KMT2A: variants seen among roughly 807,000 people sequenced by gnomAD.
KMT2A encodes the protein lysine methyltransferase 2A, also known as histone-lysine N-methyltransferase 2A.
A neutral mutation model predicts 345.3 loss-of-function variants in KMT2A; 16 were observed. The observed-to-expected ratio is 0.05, with a 90% confidence interval of 0.03 to 0.07. KMT2A has a LOEUF of 0.07. Ranked by LOEUF, KMT2A falls within the 10% of genes least tolerant of loss-of-function variation. The pLI is 1.00. For missense variants in KMT2A, 3,272 were observed against 4,841.6 expected (o/e 0.68, Z 9.62); for synonymous variants, 1,599 against 1,778.6 (o/e 0.90, Z 2.54).
chr11:118,509,308 AGCTCC>A, intron 29 of KMT2A, 108 bp downstream of exon 29: 1 of 928,852 alleles, frequency 1.1e-6, no homozygotes, highest in Non-Finnish European at 1.6e-6. Flanking sequence ...AAAAAATCTA[AGCTCC>A]AAAGAAGTTA....
At chr11:118,489,159 G>C (rs1181539030) in intron 11 of KMT2A, among the ~76,000 whole-genome samples, 1 of 139,332 alleles carries the variant, frequency 7.2e-6, no homozygotes, top group East Asian at 2.1e-4. Flanking sequence ...GGAGGCAGAG[G>C]TTGCAGTGAG....
chr11:118,497,278 C>T lies in KMT2A; in HGVS notation c.5665-658C>T, dbSNP rs1238611407. On this transcript the variant is annotated intron_variant, in intron 20 of 35. Transcript: ENST00000534358. This position sits in a 1 kb window ranked among gnomAD's most constrained non-coding sequence, Gnocchi z 4.8. ...CTCATATCCCAAAGTGGTGGGATTA[C>T]AGGCGTGAGCCACCGTGCCCGGCCA... 6.6e-6 allele frequency among the ~76,000 whole-genome samples: 1 copy of T among 152,178 alleles called. No homozygotes were observed. Among genetic ancestry groups the T allele is most frequent in the Non-Finnish European group, 1.5e-5 (1 of 68,032 alleles).
intron 29 of KMT2A, 117 bp downstream of exon 29, chr11:118,509,317 G>T: frequency 1.2e-6 from 1 of 815,398 alleles, no homozygotes; most frequent in Non-Finnish European, 1.9e-6. Flanking sequence ...AAGCTCCAAA[G>T]AAGTTAAGTG....
At chr11:118,439,714 T>G (rs1277155281) in intron 1 of KMT2A, among the ~76,000 whole-genome samples, 1 of 152,194 alleles carries the variant, frequency 6.6e-6, no homozygotes, top group Non-Finnish European at 1.5e-5. Context: ...CTTTAAAACT[T>G]TTTCCTGAAC....
At position 118,524,386 on chromosome 11, in the gene KMT2A, C is replaced by G. The variant is rs1227103364; in HGVS notation, c.*2214C>G. 1 of 192,720 alleles carries G rather than the reference C, an allele frequency of 5.2e-6. No homozygotes were observed. The highest frequency in any genetic ancestry group is 1.1e-5 in the Non-Finnish European group (1 of 91,912). The allele number at this position is 192,720 out of a possible 1,614,324, so 11.9% of individuals were successfully genotyped here. A position where few individuals can be genotyped will look rare whatever the true frequency, so the allele number is the denominator to read the frequency against. On this transcript the variant is annotated 3_prime_UTR_variant, in exon 36 of 36. Transcript: ENST00000534358. The stretch of plus-strand genomic sequence containing the variant: ...ACTCTCTGCCCCAGGACTCATGGCT[C>G]TGCTGTGCCTTCCATCCTGGGCTCC...
At chr11:118,446,154 G>A (rs1329924674) in intron 1 of KMT2A, among the ~76,000 whole-genome samples, 1 of 152,082 alleles carries the variant, frequency 6.6e-6, no homozygotes, top group Non-Finnish European at 1.5e-5. Context: ...TTTGAGACCA[G>A]CCTGGCCAAC....
intron 1 of KMT2A, among the ~76,000 whole-genome samples, chr11:118,451,207 CTTTT>C (rs1167567348): frequency 1.7e-5 from 2 of 120,996 alleles, no homozygotes; most frequent in East Asian, 2.4e-4. Flanking sequence ...CTATCTAATT[CTTTT>C]TTTTTTTTTT....
At chr11:118,512,235 C>A (rs571208488) in intron 31 of KMT2A, 149 of 579,058 alleles carry the variant, frequency 2.6e-4, no homozygotes, top group Non-Finnish European at 4.4e-4. Context: ...ACCACCACTA[C>A]TCTATAATTC....
intron 5 of KMT2A, among the ~76,000 whole-genome samples, 197 bp from the exon 6 acceptor site, chr11:118,479,977 C>A (rs1397482256): frequency 2.0e-5 from 3 of 151,954 alleles, no homozygotes; most frequent in Non-Finnish European, 4.4e-5. Flanking sequence ...CCTTTTAGAT[C>A]CTAAAGGTAG....
At chr11:118,455,262 G>A (rs527586731) in intron 1 of KMT2A, among the ~76,000 whole-genome samples, 5 of 152,258 alleles carry the variant, frequency 3.3e-5, no homozygotes, top group South Asian at 4.2e-4. Context: ...TCATGGGGCA[G>A]GAATTTTGTT....
In KMT2A at chr11:118,502,930, G is replaced by A. The variant is rs782334675; in HGVS notation, c.7038G>A (p.Leu2346=). ...TTCATAACACAACATCTAGAGAACTGAATGTTAGTAAAATCGGCTCCTTTG... is the reference window on the plus strand; with the variant it reads ...TTCATAACACAACATCTAGAGAACTAAATGTTAGTAAAATCGGCTCCTTTG... ...PQVHNTTSRE[L]NVSKIGSFAE... is the part of the protein sequence containing the mutation. Residue 2346 remains leucine (L), a synonymous_variant, in exon 27 of 36, where the codon CTG becomes CTA. Coordinates refer to ENST00000534358, the MANE Select transcript of KMT2A (RefSeq NM_001197104.2). The surrounding 1 kb of genome is among the most constrained non-coding windows in gnomAD (Gnocchi z 4.9). 7 of 1,614,024 alleles carry A rather than the reference G, an allele frequency of 4.3e-6. No individual in the cohort carries two copies. The East Asian group carries it at 6.7e-5, about 15-fold the overall frequency.
Position 118,510,596 on chromosome 11 carries a change from A to G in KMT2A, c.11071+478A>G, listed in dbSNP as rs1193098852. Among the ~76,000 whole-genome samples the G allele has an allele frequency of 2.6e-5, 4 of 151,924 alleles. No homozygotes were observed. The highest frequency in any genetic ancestry group is 4.4e-5 in the Non-Finnish European group (3 of 67,974). On this transcript the variant is annotated intron_variant, in intron 30 of 35. Coordinates refer to ENST00000534358, the MANE Select transcript of KMT2A (RefSeq NM_001197104.2). The surrounding 1 kb of genome is among the most constrained non-coding windows in gnomAD (Gnocchi z 4.1). ...CCCTCTCCCTCCTTTTGAATCTTAC[A>G]TGTTCTTCTCTCATAGCTTACATTT...
At position 118,436,793 on chromosome 11, in the gene KMT2A, C is replaced by G; in HGVS notation, c.281C>G (p.Ser94Trp). Residue 94 changes from serine to tryptophan, a missense_variant, in exon 1 of 36, where the codon TCG (serine) becomes TGG (tryptophan). By Grantham distance (177) the Ser-to-Trp change is radical. Around this residue, in one of 27 missense-constraint regions of KMT2A, gnomAD observed 412 missense variants for 511.0 expected, o/e 0.81. Transcript: ENST00000534358. The surrounding 1 kb of genome is among the most constrained non-coding windows in gnomAD (Gnocchi z 6.9). The stretch of plus-strand genomic sequence containing the variant: ...TCGTCGTCCGCCTCGTCTTCGTCTT[C>G]GTCATCGTCCTCAGCCTCTTCAGGG... Reference protein sequence around the residue: ...ASSSSASSSSSSSSSASSGPA... With the variant: ...ASSSSASSSSWSSSSASSGPA... 1.2e-6 allele frequency: 2 copies of G among 1,606,918 alleles called. No homozygotes were observed. The highest frequency in any genetic ancestry group is 1.7e-6 in the Non-Finnish European group (2 of 1,177,002).
Position 118,471,993 on chromosome 11 carries a change from C to A in KMT2A, c.834C>A (p.Leu278=). ...TTAAAAAATTAAGAGCAGGTAAACT[C>A]TCTCCTCTCAAGTCTAAGTTTAAGA... ...TKIKKLRAGK[L]SPLKSKFKTG... The change falls in exon 3 of 36, where the codon CTC becomes CTA. Residue 278 remains leucine (L), a synonymous_variant. Transcript: ENST00000534358. 1 of 1,614,046 alleles carries A rather than the reference C, an allele frequency of 6.2e-7. No homozygotes were observed. The highest frequency in any genetic ancestry group is 8.5e-7 in the Non-Finnish European group (1 of 1,179,988).
In KMT2A at chr11:118,495,325, A is replaced by G. The variant is rs1464175106; in HGVS notation, c.5364-375A>G. ...AGGCGGGCACCACCATGCCCAGCTAATTTTTGTATTTTAATAGAGACTGGG... is the reference window on the plus strand; with the variant it reads ...AGGCGGGCACCACCATGCCCAGCTAGTTTTTGTATTTTAATAGAGACTGGG... On this transcript the variant is annotated intron_variant, in intron 18 of 35. Coordinates refer to ENST00000534358, the MANE Select transcript of KMT2A (RefSeq NM_001197104.2). This position sits in a 1 kb window ranked among gnomAD's most constrained non-coding sequence, Gnocchi z 4.1. Among the ~76,000 whole-genome samples, 1 of 151,720 alleles carries G rather than the reference A, an allele frequency of 6.6e-6. No individual in the cohort carries two copies. The highest frequency in any genetic ancestry group is 1.5e-5 in the Non-Finnish European group (1 of 67,930).
Position 118,472,915 on chromosome 11 carries a change from A to G in KMT2A, c.1756A>G (p.Met586Val), listed in dbSNP as rs1949969324. Residue 586 changes from methionine (M) to valine (V), a missense_variant, in exon 3 of 36, where the codon ATG (methionine) becomes GTG (valine). This residue lies in a region of KMT2A where 180 missense variants were observed against 190.7 expected (regional missense o/e 0.94). Coordinates refer to ENST00000534358, the MANE Select transcript of KMT2A (RefSeq NM_001197104.2). Reference sequence around the variant, plus strand: ...TATCTCTGACCACACACCTTGGCTTATGCCTCCAACAATCCCCTTAGCATC... The same window carrying G: ...TATCTCTGACCACACACCTTGGCTTGTGCCTCCAACAATCCCCTTAGCATC... ...SSISDHTPWL[M>V]PPTIPLASPF... 1 of 1,613,984 alleles carries G rather than the reference A, an allele frequency of 6.2e-7. No individual in the cohort carries two copies. Among genetic ancestry groups the G allele is most frequent in the Non-Finnish European group, 8.5e-7 (1 of 1,179,992 alleles).
rs782324036 is a variant in KMT2A, at chr11:118,506,654, A to T, written c.10754+8A>T. On this transcript the variant is annotated splice_region_variant and intron_variant, in intron 27 of 35. Coordinates refer to ENST00000534358, the MANE Select transcript of KMT2A (RefSeq NM_001197104.2). The stretch of plus-strand genomic sequence containing the variant: ...CCTGACCTCAGGCACAGGGTGAGAG[A>T]TCCAAATACTAGCTAGGCTGGGTCT... 1.3e-6 allele frequency: 2 copies of T among 1,576,928 alleles called. No homozygotes were observed. Among genetic ancestry groups the T allele is most frequent in the Non-Finnish European group, 1.7e-6 (2 of 1,160,506 alleles).
At position 118,504,635 on chromosome 11, in the gene KMT2A, T is replaced by C; in HGVS notation, c.8743T>C (p.Ser2915Pro). 6.2e-7 allele frequency: 1 copy of C among 1,614,146 alleles called. No individual in the cohort carries two copies. The highest frequency in any genetic ancestry group is 8.5e-7 in the Non-Finnish European group (1 of 1,179,990). The change falls in exon 27 of 36, where the codon TCT becomes CCT. Residue 2915 changes from serine (S) to proline (P), a missense_variant. Physicochemically the swap from Ser to Pro is moderately conservative, Grantham distance 74 (BLOSUM62 -1). Transcript: ENST00000534358. This position sits in a 1 kb window ranked among gnomAD's most constrained non-coding sequence, Gnocchi z 6.4. ...AACAGAACCTGTGGATAGTAGTGTC[T>C]CTTCCTCTATCTCAGCAGAGGAACA... ...PTTEPVDSSV[S>P]SSISAEEQFE...
intron 30 of KMT2A, among the ~76,000 whole-genome samples, chr11:118,511,182 A>T (rs1175630917): frequency 2.6e-5 from 4 of 152,236 alleles, no homozygotes; most frequent in African/African-American, 9.6e-5. Context: ...GGAGATGCTC[A>T]AAGACGAGAG....
Sources: gnomAD v4.1 joint callset for allele counts (sites outside exome capture counted in the v4.1 genomes callset) on GRCh38, gnomAD v4.1.1 for gene constraint, gnomAD v4.1.1 regional missense constraint, Gnocchi (gnomAD v3.1) non-coding constraint, MANE v1.5 for transcripts, NCBI Gene and HGNC (gene_info 2026-07-23, HGNC 2026-07-21) for gene names.